KIF6: variants seen among roughly 807,000 people sequenced by gnomAD.
KIF6 encodes kinesin family member 6.
A neutral mutation model predicts 112.7 loss-of-function variants in KIF6; 106 were observed. That is an observed-to-expected ratio of 0.94 (90% CI 0.80 to 1.11). The LOEUF (loss-of-function observed/expected upper bound fraction) is 1.11, where lower values mean the gene tolerates loss of function less well. Ranked by LOEUF, KIF6 falls within the 50% of genes least tolerant of loss-of-function variation. The pLI is 0.00. For synonymous variants in KIF6, 339 were observed against 339.9 expected, an observed-to-expected ratio of 1.00 and a Z score of 0.03; for missense variants, 929 against 964.0, an observed-to-expected ratio of 0.96 and a Z score of 0.48.
At chr6:39,630,924 T>C (rs902520131) in intron 5 of KIF6, among the ~76,000 whole-genome samples, 1 of 152,098 alleles carries the variant, frequency 6.6e-6, no homozygotes, top group Non-Finnish European at 1.5e-5. Flanking sequence ...TCTATTGTTA[T>C]GATAATATGA....
At chr6:39,644,854 G>A (rs1785088234) in intron 3 of KIF6, among the ~76,000 whole-genome samples, 1 of 152,146 alleles carries the variant, frequency 6.6e-6, no homozygotes, top group Non-Finnish European at 1.5e-5. Flanking sequence ...CAATAAAATA[G>A]TAAAGAAGAG....
chr6:39,434,598 C>G (rs1039500312), intron 13 of KIF6, among the ~76,000 whole-genome samples: 6 of 151,660 alleles, frequency 4.0e-5, no homozygotes, highest in African/African-American at 1.5e-4. Flanking sequence ...AAAAACAAAA[C>G]AAAACAAAAC....
intron 15 of KIF6, among the ~76,000 whole-genome samples, chr6:39,414,910 C>T (rs956644933): frequency 1.3e-5 from 2 of 151,904 alleles, no homozygotes; most frequent in African/African-American, 2.4e-5. Context: ...AAAATCTGGC[C>T]AGGTGTGGTG....
At chr6:39,585,392 C>T (rs1781570298) in intron 8 of KIF6, among the ~76,000 whole-genome samples, 1 of 152,176 alleles carries the variant, frequency 6.6e-6, no homozygotes, top group African/African-American at 2.4e-5. Flanking sequence ...ATGCTGGCTC[C>T]ACCACCACTC....
intron 15 of KIF6, among the ~76,000 whole-genome samples, chr6:39,386,769 A>G (rs1767461106): frequency 6.6e-6 from 1 of 152,196 alleles, no homozygotes; most frequent in Non-Finnish European, 1.5e-5. Flanking sequence ...GGGGTGAAAC[A>G]GCAGCCCGGA....
intron 3 of KIF6, among the ~76,000 whole-genome samples, chr6:39,674,892 C>T (rs1477488396): frequency 1.3e-5 from 2 of 150,108 alleles, no homozygotes; most frequent in African/African-American, 4.9e-5. Context: ...TAAAAAGTAA[C>T]AGGGATCAAT....
intron 4 of KIF6, 139 bp from the exon 5 acceptor site, chr6:39,635,097 A>T: frequency 1.7e-6 from 1 of 581,094 alleles, no homozygotes; most frequent in Non-Finnish European, 3.0e-6. Flanking sequence ...TTTTCAGTTC[A>T]TGACACTTTC....
chr6:39,356,711 G>A (rs2150249615), intron 19 of KIF6, among the ~76,000 whole-genome samples: 1 of 152,312 alleles, frequency 6.6e-6, no homozygotes, highest in African/African-American at 2.4e-5. Context: ...ACAATGGCAG[G>A]AGGCGTGCTT....
At chr6:39,604,836 C>T (rs1782796712) in intron 6 of KIF6, among the ~76,000 whole-genome samples, 1 of 152,068 alleles carries the variant, frequency 6.6e-6, no homozygotes, top group Non-Finnish European at 1.5e-5. Flanking sequence ...TTGACTTTTA[C>T]ATCCTCAAAG....
chr6:39,623,559 A>C (rs1364245671), intron 5 of KIF6, among the ~76,000 whole-genome samples: 1 of 152,212 alleles, frequency 6.6e-6, no homozygotes, highest in Non-Finnish European at 1.5e-5. Flanking sequence ...TTATTTTTCT[A>C]AATGGATTAT....
chr6:39,457,240 G>A (rs1773182520), intron 13 of KIF6, among the ~76,000 whole-genome samples: 1 of 151,400 alleles, frequency 6.6e-6, no homozygotes, highest in South Asian at 2.1e-4. Flanking sequence ...TCAACTACAT[G>A]GAAACTGAAC....
chr6:39,495,536 T>C (rs920096118), intron 13 of KIF6, among the ~76,000 whole-genome samples: 1 of 152,162 alleles, frequency 6.6e-6, no homozygotes, highest in African/African-American at 2.4e-5. Flanking sequence ...GCTTTCCTTA[T>C]AGTATATTGC....
chr6:39,340,122 C>T (rs1309105112), intron 22 of KIF6, among the ~76,000 whole-genome samples: 38 of 152,328 alleles, frequency 2.5e-4, no homozygotes, highest in African/African-American at 1.4e-4. Context: ...TGAGAGGTCA[C>T]GCCTGCTGGC....
intron 1 of KIF6, among the ~76,000 whole-genome samples, chr6:39,722,095 G>T (rs866413932): frequency 2.0e-5 from 3 of 152,026 alleles, no homozygotes; most frequent in African/African-American, 4.8e-5. Context: ...AGGCTTTCTG[G>T]CTAGGTTTTC....
intron 13 of KIF6, among the ~76,000 whole-genome samples, chr6:39,489,923 T>A (rs934669583): frequency 2.0e-5 from 3 of 152,226 alleles, no homozygotes; most frequent in Admixed American, 2.0e-4. Flanking sequence ...ATATTTGACC[T>A]GTGACATTTT....
At chr6:39,392,992 A>G (rs1768002043) in intron 15 of KIF6, among the ~76,000 whole-genome samples, 1 of 152,192 alleles carries the variant, frequency 6.6e-6, no homozygotes, top group African/African-American at 2.4e-5. Flanking sequence ...ATCATAGTAA[A>G]ATTACAGAAC....
intron 3 of KIF6, among the ~76,000 whole-genome samples, chr6:39,697,616 C>G (rs1419296712): frequency 6.6e-6 from 1 of 151,496 alleles, no homozygotes; most frequent in Non-Finnish European, 1.5e-5. Flanking sequence ...GATCTCCACT[C>G]ACTGTGACCT....
intron 6 of KIF6, among the ~76,000 whole-genome samples, chr6:39,602,184 G>A (rs564787079): frequency 2.6e-5 from 4 of 151,992 alleles, no homozygotes; most frequent in Admixed American, 1.3e-4. Context: ...CTTTTTTAGG[G>A]CTTGTATCAA....
chr6:39,633,589 G>A (rs1259069265), intron 5 of KIF6, among the ~76,000 whole-genome samples: 1 of 152,176 alleles, frequency 6.6e-6, no homozygotes, highest in Non-Finnish European at 1.5e-5. Context: ...AGTGATTTCA[G>A]TATTTTCAAA....
Sources: gnomAD v4.1 joint callset for allele counts (sites outside exome capture counted in the v4.1 genomes callset) on GRCh38, gnomAD v4.1.1 for gene constraint, MANE v1.5 for transcripts, NCBI Gene and HGNC (gene_info 2026-07-23, HGNC 2026-07-21) for gene names.